SCN2A: variants seen among roughly 807,000 people sequenced by gnomAD.
The protein encoded by SCN2A is sodium channel protein type 2 subunit alpha.
SCN2A carries 20 observed loss-of-function variants against 188.7 expected under a neutral mutation model. The observed-to-expected ratio is 0.11, with a 90% CI of 0.07 to 0.15. The LOEUF (loss-of-function observed/expected upper bound fraction) is 0.15, where lower values mean the gene tolerates loss of function less well. SCN2A is among the 10% of genes least tolerant of loss of function. The probability of loss-of-function intolerance (pLI) is 1.00; values close to 1 mark genes in which losing one functional copy is unlikely to be tolerated. For missense variants in SCN2A, 1,278 were observed against 2,445.0 expected, an observed-to-expected ratio of 0.52 and a Z score of 10.07; for synonymous variants, 804 against 833.1, an observed-to-expected ratio of 0.97 and a Z score of 0.60.
intron 1 of SCN2A, among the ~76,000 whole-genome samples, chr2:165,281,283 G>A (rs1316004124): frequency 6.6e-6 from 1 of 152,094 alleles, no homozygotes; most frequent in Non-Finnish European, 1.5e-5. Context: ...GATGTGGTTA[G>A]AGTGTGTGAA....
chr2:165,288,731 C>CGTGT (rs1559338436), intron 1 of SCN2A, among the ~76,000 whole-genome samples: 2 of 132,210 alleles, frequency 1.5e-5, no homozygotes, highest in Non-Finnish European at 3.4e-5. Context: ...GATACATATA[C>CGTGT]ATGTGTGTGT....
chr2:165,355,402 G>A (rs1037832471), intron 17 of SCN2A, among the ~76,000 whole-genome samples: 3 of 152,158 alleles, frequency 2.0e-5, no homozygotes, highest in East Asian at 3.9e-4. Context: ...ATGAGCAACA[G>A]AATATATTTT....
chr2:165,322,486 T>A (rs983042059), intron 11 of SCN2A, among the ~76,000 whole-genome samples: 6 of 152,194 alleles, frequency 3.9e-5, no homozygotes, highest in African/African-American at 1.4e-4. Context: ...AAAATTAAGT[T>A]TTTGTAAATA....
chr2:165,301,491 T>C (rs1418500057), intron 3 of SCN2A, among the ~76,000 whole-genome samples: 1 of 152,178 alleles, frequency 6.6e-6, no homozygotes, highest in African/African-American at 2.4e-5. Context: ...ATCTCTAAAA[T>C]TTACTTTTTA....
At chr2:165,336,990 T>C (rs1416774507) in intron 14 of SCN2A, among the ~76,000 whole-genome samples, 1 of 151,812 alleles carries the variant, frequency 6.6e-6, no homozygotes, top group Non-Finnish European at 1.5e-5. Context: ...TAGAAATAGA[T>C]CTGGACAGGA....
At chr2:165,352,216 AG>A (rs1699957334) in intron 16 of SCN2A, among the ~76,000 whole-genome samples, 1 of 152,136 alleles carries the variant, frequency 6.6e-6, no homozygotes, top group Non-Finnish European at 1.5e-5. Flanking sequence ...TAAGTTCAAA[AG>A]CAAATTACAA....
intron 7 of SCN2A, 128 bp from the exon 8 acceptor site, chr2:165,311,897 A>G (rs1333303810): frequency 1.5e-6 from 1 of 681,130 alleles, no homozygotes; most frequent in Non-Finnish European, 2.7e-6. Context: ...CTCTTTAGCC[A>G]TATATATTTA....
At chr2:165,252,411 T>A (rs1217631572) in intron 1 of SCN2A, among the ~76,000 whole-genome samples, 1 of 152,130 alleles carries the variant, frequency 6.6e-6, no homozygotes, top group East Asian at 1.9e-4. Flanking sequence ...CATTTAAATT[T>A]AAGATGAACA....
intron 21 of SCN2A, among the ~76,000 whole-genome samples, chr2:165,374,370 T>G (rs1701202068): frequency 6.6e-6 from 1 of 152,104 alleles, no homozygotes; most frequent in Non-Finnish European, 1.5e-5. Flanking sequence ...TGATGTTCAC[T>G]TCTATATTCA....
chr2:165,338,637 G>A (rs1483983432), intron 14 of SCN2A, among the ~76,000 whole-genome samples: 1 of 151,890 alleles, frequency 6.6e-6, no homozygotes, highest in Non-Finnish European at 1.5e-5. Context: ...GAACACAGAA[G>A]CAAAAAATCA....
intron 18 of SCN2A, 38 bp from the exon 19 acceptor site, chr2:165,367,179 G>A (rs1044889985): frequency 1.2e-6 from 2 of 1,606,680 alleles, no homozygotes; most frequent in African/African-American, 2.7e-5. Context: ...TAATCAAAGA[G>A]TAATTTTTTG....
chr2:165,315,499 C>T lies in SCN2A; in HGVS notation c.1412C>T (p.Ser471Leu), dbSNP rs2105259560. 3.1e-6 allele frequency: 5 copies of T among 1,613,922 alleles called. No homozygotes were observed. The South Asian group carries it at 4.4e-5, about 14-fold the overall frequency. The change falls in exon 11 of 27, where the codon TCA becomes TTA. Residue 471 changes from serine to leucine, a missense_variant. By Grantham distance (145) the Ser-to-Leu change is moderately radical (BLOSUM62 -2). This residue lies in a region of SCN2A where 315 missense variants were observed against 386.6 expected (regional missense o/e 0.81). Coordinates refer to ENST00000375437, the MANE Select transcript of SCN2A (RefSeq NM_001040142.2). ...QAAAAAASAESRDFSGAGGIG... is the reference protein window; with the variant it reads ...QAAAAAASAELRDFSGAGGIG... ...GCAGCTGCAGCCGCATCTGCTGAAT[C>T]AAGAGACTTCAGTGGTGCTGGTGGG...
At chr2:165,242,133 G>T (rs1450057385) in intron 1 of SCN2A, among the ~76,000 whole-genome samples, 1 of 152,054 alleles carries the variant, frequency 6.6e-6, no homozygotes, top group African/African-American at 2.4e-5. Flanking sequence ...CTCATACACT[G>T]GGGTGTTTTA....
chr2:165,263,016 T>C (rs1437390589), intron 1 of SCN2A, among the ~76,000 whole-genome samples: 1 of 152,218 alleles, frequency 6.6e-6, no homozygotes. Flanking sequence ...TTTTTTCATA[T>C]GTTTGTTGCC....
chr2:165,256,923 G>T (rs984500825), intron 1 of SCN2A, among the ~76,000 whole-genome samples: 10 of 152,236 alleles, frequency 6.6e-5, no homozygotes, highest in African/African-American at 2.4e-4. Flanking sequence ...TTAGGCTGAG[G>T]AGAAGCTATA....
chr2:165,239,826 C>T (rs1446580), intron 1 of SCN2A, 186 bp downstream of exon 1: 300 of 157,620 alleles, frequency 1.9e-3, no homozygotes, highest in African/African-American at 6.9e-3. Flanking sequence ...TATGACATAC[C>T]GTGTTTTATT....
intron 1 of SCN2A, among the ~76,000 whole-genome samples, chr2:165,248,855 T>C (rs935978131): frequency 2.0e-5 from 3 of 152,230 alleles, no homozygotes; most frequent in African/African-American, 7.2e-5. Context: ...TTAAATTTAT[T>C]CCTTTAAGCA....
chr2:165,375,433 A>G (rs1291118502), intron 22 of SCN2A, among the ~76,000 whole-genome samples: 1 of 151,850 alleles, frequency 6.6e-6, no homozygotes, highest in Non-Finnish European at 1.5e-5. Context: ...ACGTATTTCT[A>G]TATACACACG....
chr2:165,291,534 T>TC (rs1214334776), intron 1 of SCN2A, among the ~76,000 whole-genome samples: 3,285 of 48,610 alleles, frequency 0.068, 180 homozygotes, highest in East Asian at 0.13. Flanking sequence ...CTTTCCTTCC[T>TC]TCCTTCCTTC....
Sources: gnomAD v4.1 joint callset for allele counts (sites outside exome capture counted in the v4.1 genomes callset) on GRCh38, gnomAD v4.1.1 for gene constraint, gnomAD v4.1.1 regional missense constraint, MANE v1.5 for transcripts, NCBI Gene and HGNC (gene_info 2026-07-23, HGNC 2026-07-21) for gene names.